The following PRKCA variants were observed in gnomAD, a reference collection of about 807,000 sequenced individuals.
PRKCA encodes the protein protein kinase C alpha.
Under a neutral mutation model 87.0 loss-of-function variants are expected in PRKCA, and 27 were observed. That is an observed-to-expected ratio of 0.31 (90% CI 0.23 to 0.43). The LOEUF (loss-of-function observed/expected upper bound fraction) is 0.43, where lower values mean the gene tolerates loss of function less well. Ranked by LOEUF, PRKCA falls within the 20% of genes least tolerant of loss-of-function variation. PRKCA has a pLI of 1.00. For synonymous variants in PRKCA, 329 were observed against 311.1 expected (o/e 1.06, Z -0.61); for missense variants, 518 against 852.3 (o/e 0.61, Z 4.88).
chr17:66,469,737 TG>T (rs1157792554), intron 2 of PRKCA, among the ~76,000 whole-genome samples: 3 of 152,248 alleles, frequency 2.0e-5, no homozygotes, highest in Non-Finnish European at 2.9e-5. Context: ...AGCTTTGAGT[TG>T]TTTTTTTCTG....
In PRKCA at chr17:66,740,392, G is replaced by A. The variant is rs75290212; in HGVS notation, c.1323-1267G>A. 4.6e-5 allele frequency among the ~76,000 whole-genome samples: 7 copies of A among 152,230 alleles called. No homozygotes were observed. In the East Asian group the frequency reaches 5.8e-4, roughly 13 times the overall value. On this transcript the variant is annotated intron_variant, in intron 11 of 16. Transcript: ENST00000413366. ...CTAAACAAAGGGCGAGTTTAGTTCC[G>A]CAGTGAGGAAACCTCGGGGGCATGT...
intron 2 of PRKCA, among the ~76,000 whole-genome samples, chr17:66,437,975 A>G (rs1396710489): frequency 6.6e-6 from 1 of 151,048 alleles, no homozygotes; most frequent in African/African-American, 2.5e-5. Context: ...AGGATTCTGG[A>G]CTAGGTGCTA....
chr17:66,563,462 A>G (rs1187563029), intron 3 of PRKCA, among the ~76,000 whole-genome samples: 1 of 152,158 alleles, frequency 6.6e-6, no homozygotes, highest in East Asian at 1.9e-4. Context: ...ACTTAGTAAT[A>G]TGCACTTTAG....
chr17:66,570,193 A>G lies in PRKCA; in HGVS notation c.289-71162A>G, dbSNP rs115586714. ...GAGGCAACACTCATCTCTAGTGCCTAGGGGTCAAGGTAACCACATCTTGCT... is the reference window on the plus strand; with the variant it reads ...GAGGCAACACTCATCTCTAGTGCCTGGGGGTCAAGGTAACCACATCTTGCT... On this transcript the variant is annotated intron_variant, in intron 3 of 16. Coordinates refer to ENST00000413366, the MANE Select transcript of PRKCA (RefSeq NM_002737.3). 6.0e-3 allele frequency among the ~76,000 whole-genome samples: 917 copies of G among 152,332 alleles called. 13 individuals carry two copies. The highest frequency in any genetic ancestry group is 0.018 in the African/African-American group (767 of 41,582).
chr17:66,514,794 A>G (rs1051597433), intron 3 of PRKCA, among the ~76,000 whole-genome samples: 3 of 151,956 alleles, frequency 2.0e-5, no homozygotes, highest in South Asian at 2.1e-4. Context: ...TCCTCCAGAA[A>G]CAATTCCATT....
intron 3 of PRKCA, among the ~76,000 whole-genome samples, chr17:66,528,716 C>T (rs1967435643): frequency 6.6e-6 from 1 of 152,128 alleles, no homozygotes; most frequent in African/African-American, 2.4e-5. Context: ...CTTTAAGTCA[C>T]TAAGTTTGTG....
At chr17:66,463,095 G>A (rs1295173942) in intron 2 of PRKCA, among the ~76,000 whole-genome samples, 1 of 152,122 alleles carries the variant, frequency 6.6e-6, no homozygotes, top group Non-Finnish European at 1.5e-5. Flanking sequence ...CTCTCCTGTG[G>A]CAGCCTTAGG....
At chr17:66,536,252 T>C (rs1404625437) in intron 3 of PRKCA, among the ~76,000 whole-genome samples, 3 of 152,216 alleles carry the variant, frequency 2.0e-5, no homozygotes, top group African/African-American at 7.2e-5. Flanking sequence ...ACTAGAACTT[T>C]CCTGGTGTAA....
At chr17:66,448,989 A>G (rs1169312327) in intron 2 of PRKCA, among the ~76,000 whole-genome samples, 2 of 152,038 alleles carry the variant, frequency 1.3e-5, no homozygotes, top group East Asian at 3.9e-4. Context: ...TTAAAAAAAA[A>G]AAAAAAAAAA....
At chr17:66,441,522 C>A (rs1197586648) in intron 2 of PRKCA, among the ~76,000 whole-genome samples, 1 of 152,104 alleles carries the variant, frequency 6.6e-6, no homozygotes, top group Non-Finnish European at 1.5e-5. Context: ...TATTTGAAAA[C>A]CCTTGAAAAT....
At chr17:66,462,254 A>G (rs1245671649) in intron 2 of PRKCA, among the ~76,000 whole-genome samples, 1 of 152,144 alleles carries the variant, frequency 6.6e-6, no homozygotes, top group Non-Finnish European at 1.5e-5. Context: ...TATGTTTCTA[A>G]TGAAACAGCT....
chr17:66,443,815 C>G (rs1288174962), intron 2 of PRKCA, among the ~76,000 whole-genome samples: 1 of 152,130 alleles, frequency 6.6e-6, no homozygotes, highest in Non-Finnish European at 1.5e-5. Context: ...AGAATGTTCT[C>G]TGCTTGCAGA....
intron 2 of PRKCA, chr17:66,364,439 A>G (rs1462782753): frequency 6.6e-6 from 1 of 152,236 alleles, no homozygotes; most frequent in East Asian, 1.9e-4. Flanking sequence ...TTTTGTGCCA[A>G]AAAATAGGAA....
chr17:66,336,063 CATT>C (rs1227011759), intron 2 of PRKCA, among the ~76,000 whole-genome samples: 13 of 152,284 alleles, frequency 8.5e-5, no homozygotes, highest in Admixed American at 4.6e-4. Context: ...GATATGTCAT[CATT>C]GTTTCAATTT....
chr17:66,507,738 C>T (rs973929621), intron 3 of PRKCA, among the ~76,000 whole-genome samples: 4 of 152,176 alleles, frequency 2.6e-5, no homozygotes, highest in Admixed American at 2.6e-4. Flanking sequence ...AAGCTGAAAG[C>T]CAGCCCAGAG....
intron 3 of PRKCA, among the ~76,000 whole-genome samples, chr17:66,583,108 A>G (rs1969494083): frequency 6.6e-6 from 1 of 152,218 alleles, no homozygotes; most frequent in Non-Finnish European, 1.5e-5. Flanking sequence ...TCCAGGAAGC[A>G]CTATGTAAAT....
At chr17:66,727,891 T>G (rs1296309647) in intron 8 of PRKCA, among the ~76,000 whole-genome samples, 1 of 152,168 alleles carries the variant, frequency 6.6e-6, no homozygotes, top group Non-Finnish European at 1.5e-5. Flanking sequence ...ATATGGTTCC[T>G]CGTCCCCCTG....
chr17:66,738,930 C>T (rs923367958), intron 11 of PRKCA, 75 bp downstream of exon 11: 60 of 1,161,764 alleles, frequency 5.2e-5, no homozygotes, highest in Admixed American at 2.4e-4. Context: ...TTTTCCCCCC[C>T]GCTTGAGATT....
intron 3 of PRKCA, chr17:66,640,930 G>T (rs1284853811): frequency 5.1e-6 from 2 of 392,428 alleles, no homozygotes; most frequent in Non-Finnish European, 9.9e-6. Context: ...GGAGGCCAAG[G>T]CTGGTGCATC....
Sources: gnomAD v4.1 joint callset for allele counts (sites outside exome capture counted in the v4.1 genomes callset) on GRCh38, gnomAD v4.1.1 for gene constraint, MANE v1.5 for transcripts, NCBI Gene and HGNC (gene_info 2026-07-23, HGNC 2026-07-21) for gene names.